Variants in PID1 observed in about 807,000 individuals in gnomAD.
PID1 encodes the protein phosphotyrosine interaction domain containing 1.
A neutral mutation model predicts 19.1 loss-of-function variants in PID1; 10 were observed. That is an observed-to-expected ratio of 0.52 (90% CI 0.32 to 0.89). The LOEUF is 0.89. Ranked by LOEUF, PID1 falls within the 40% of genes least tolerant of loss-of-function variation. The pLI, the probability that PID1 is intolerant of heterozygous loss-of-function variation, is 0.03. For synonymous variants in PID1, 130 were observed against 116.0 expected (o/e 1.12, Z -0.78); for missense variants, 248 against 285.3 (o/e 0.87, Z 0.94).
At chr2:229,238,741 A>C (rs1044058041) in intron 1 of PID1, among the ~76,000 whole-genome samples, 2 of 152,082 alleles carry the variant, frequency 1.3e-5, no homozygotes, top group Non-Finnish European at 2.9e-5. Flanking sequence ...GGATAAGAGG[A>C]GACAGGCATT....
Position 229,044,082 on chromosome 2 carries a change from T to C in PID1, c.178-17974A>G, listed in dbSNP as rs369957385. Among the ~76,000 whole-genome samples the C allele has an allele frequency of 2.6e-4, 39 of 152,312 alleles. No homozygotes were observed. In the East Asian group the frequency reaches 7.3e-3, roughly 29 times the overall value. ...AGATCTCTTTTTAAAGAGAACTTTA[T>C]TTTTATTGTTTTAGGAAATGTCTCT... On this transcript the variant is annotated intron_variant, in intron 2 of 2. Coordinates refer to ENST00000392055, the MANE Select transcript of PID1 (RefSeq NM_001100818.2).
At chr2:229,151,958 A>G (rs1392963024) in intron 2 of PID1, among the ~76,000 whole-genome samples, 3 of 152,140 alleles carry the variant, frequency 2.0e-5, no homozygotes, top group Non-Finnish European at 4.4e-5. Context: ...AGTCTCAATG[A>G]AAGGAGGGCA....
At chr2:229,115,880 T>C (rs1243208037) in intron 2 of PID1, among the ~76,000 whole-genome samples, 1 of 152,174 alleles carries the variant, frequency 6.6e-6, no homozygotes, top group African/African-American at 2.4e-5. Flanking sequence ...ATTTTTTAAT[T>C]GCTTCATGGG....
intron 1 of PID1, among the ~76,000 whole-genome samples, chr2:229,193,130 G>A (rs1691298686): frequency 6.6e-6 from 1 of 152,186 alleles, no homozygotes; most frequent in African/African-American, 2.4e-5. Context: ...GCTCAGCTGG[G>A]TGATTCTTTC....
At position 229,119,950 on chromosome 2, in the gene PID1, G is replaced by C. The variant is rs145159936; in HGVS notation, c.177+35868C>G. Reference sequence around the variant, plus strand: ...TATTCTCCTGCCTGTGATGCTCCTGGTTCTAAAGTCTTCAGACTCGGACTG... The same window carrying C: ...TATTCTCCTGCCTGTGATGCTCCTGCTTCTAAAGTCTTCAGACTCGGACTG... On this transcript the variant is annotated intron_variant, in intron 2 of 2. Coordinates refer to ENST00000392055, the MANE Select transcript of PID1 (RefSeq NM_001100818.2). 6.7e-4 allele frequency among the ~76,000 whole-genome samples: 102 copies of C among 152,196 alleles called. 1 individual carries two copies. The highest frequency in any genetic ancestry group is 2.4e-3 in the African/African-American group (100 of 41,544).
intron 2 of PID1, among the ~76,000 whole-genome samples, chr2:229,130,742 T>G (rs1689721528): frequency 6.6e-6 from 1 of 152,230 alleles, no homozygotes; most frequent in Non-Finnish European, 1.5e-5. Flanking sequence ...ATGCCCCCAG[T>G]GTTAGCTAAA....
intron 2 of PID1, among the ~76,000 whole-genome samples, chr2:229,041,506 T>C (rs1319318868): frequency 2.0e-5 from 3 of 152,162 alleles, no homozygotes; most frequent in Admixed American, 2.0e-4. Context: ...AAAGAGGCGA[T>C]GAGACTAGAA....
Position 229,139,174 on chromosome 2 carries a change from C to A in PID1, c.177+16644G>T, listed in dbSNP as rs560576128. Among the ~76,000 whole-genome samples, 3 of 151,408 alleles carry A rather than the reference C, an allele frequency of 2.0e-5. No individual in the cohort carries two copies. In the South Asian group the frequency reaches 6.3e-4, roughly 32 times the overall value. On this transcript the variant is annotated intron_variant, in intron 2 of 2. Transcript: ENST00000392055. ...GCAAGCGAGCGAGCAAGCGAGCTTCCCTTGACCAAACACTCCCTTGGAATA... is the reference window on the plus strand; with the variant it reads ...GCAAGCGAGCGAGCAAGCGAGCTTCACTTGACCAAACACTCCCTTGGAATA...
At chr2:229,169,276 G>A (rs1359051645) in intron 1 of PID1, among the ~76,000 whole-genome samples, 1 of 152,014 alleles carries the variant, frequency 6.6e-6, no homozygotes, top group Non-Finnish European at 1.5e-5. Context: ...AGCCTCTTTT[G>A]GGAGCCCCTG....
intron 2 of PID1, among the ~76,000 whole-genome samples, chr2:229,093,132 C>CTTT (rs1011657647): frequency 3.4e-5 from 2 of 57,998 alleles, no homozygotes; most frequent in Non-Finnish European, 4.8e-5. Context: ...CTTTCTTTTT[C>CTTT]TTTTTCTTTT....
chr2:229,160,737 G>T (rs1416918915), intron 1 of PID1, among the ~76,000 whole-genome samples: 1 of 152,076 alleles, frequency 6.6e-6, no homozygotes, highest in Non-Finnish European at 1.5e-5. Flanking sequence ...CCTTTAAAAC[G>T]GGTACCTTCA....
intron 2 of PID1, among the ~76,000 whole-genome samples, chr2:229,069,619 C>G (rs1433754865): frequency 6.6e-6 from 1 of 151,996 alleles, no homozygotes. Flanking sequence ...TGAGAAATGC[C>G]CCATGTGTGA....
intron 2 of PID1, among the ~76,000 whole-genome samples, chr2:229,046,704 C>G (rs977554435): frequency 2.1e-4 from 32 of 152,048 alleles, no homozygotes; most frequent in Admixed American, 2.0e-3. Context: ...AGACTAGAAC[C>G]CTAGATTCAA....
At chr2:229,112,960 T>A (rs1574638472) in intron 2 of PID1, among the ~76,000 whole-genome samples, 1 of 152,070 alleles carries the variant, frequency 6.6e-6, no homozygotes, top group Non-Finnish European at 1.5e-5. Context: ...TATAGGCGAG[T>A]CTCATACCAA....
chr2:229,193,533 A>G (rs967194703), intron 1 of PID1, among the ~76,000 whole-genome samples: 1 of 152,178 alleles, frequency 6.6e-6, no homozygotes, highest in African/African-American at 2.4e-5. Context: ...CAAATTTTCA[A>G]GCATTGTTAG....
intron 2 of PID1, among the ~76,000 whole-genome samples, chr2:229,076,970 C>T (rs1395962702): frequency 6.6e-6 from 1 of 152,228 alleles, no homozygotes; most frequent in East Asian, 1.9e-4. Flanking sequence ...GGAATCACCA[C>T]ACTGTCTTCC....
chr2:229,235,307 AGAGCAGAG>A (rs1158411275), intron 1 of PID1, among the ~76,000 whole-genome samples: 2 of 152,208 alleles, frequency 1.3e-5, no homozygotes, highest in Non-Finnish European at 2.9e-5. Flanking sequence ...AGCCTGAGGC[AGAGCAGAG>A]GAGCTGCCCA....
chr2:229,069,806 T>C (rs1231394566), intron 2 of PID1, among the ~76,000 whole-genome samples: 1 of 152,212 alleles, frequency 6.6e-6, no homozygotes, highest in East Asian at 1.9e-4. Flanking sequence ...TTATTACTGC[T>C]TTATCAAAGA....
At chr2:229,055,697 A>G (rs945625589) in intron 2 of PID1, among the ~76,000 whole-genome samples, 6 of 152,256 alleles carry the variant, frequency 3.9e-5, no homozygotes, top group African/African-American at 1.2e-4. Flanking sequence ...ATATTTAAGC[A>G]AACAAACTTA....
Sources: gnomAD v4.1 joint callset for allele counts (sites outside exome capture counted in the v4.1 genomes callset) on GRCh38, gnomAD v4.1.1 for gene constraint, MANE v1.5 for transcripts, NCBI Gene and HGNC (gene_info 2026-07-23, HGNC 2026-07-21) for gene names.